The following MMP26 variants were observed in gnomAD, a reference collection of about 807,000 sequenced individuals.
MMP26 encodes the protein matrix metalloproteinase-26.
Under a neutral mutation model 31.0 loss-of-function variants are expected in MMP26, and 33 were observed. The ratio of observed to expected loss-of-function variants is 1.06; its 90% CI spans 0.81 to 1.42. The LOEUF (loss-of-function observed/expected upper bound fraction) is 1.42. MMP26 is among the 40% of genes most tolerant of loss of function. The pLI is 0.00. For missense variants in MMP26, 347 were observed against 316.1 expected, an observed-to-expected ratio of 1.10 and a Z score of -0.74; for synonymous variants, 122 against 114.9, an observed-to-expected ratio of 1.06 and a Z score of -0.40.
intron 1 of MMP26, among the ~76,000 whole-genome samples, chr11:4,738,960 G>A (rs1848277906): frequency 6.6e-6 from 1 of 150,856 alleles, no homozygotes; most frequent in Admixed American, 6.6e-5. Flanking sequence ...TACCTTGCTA[G>A]AGTTTTTTCT....
chr11:4,991,412 T>C lies in MMP26; in HGVS notation c.511T>C (p.Leu171=). ...GCCCTTTGATGGGCCAGGTGGTATC[T>C]TAGGCCATGCCTTTTTACCAAATTC... ...GWPFDGPGGI[L]GHAFLPNSGN... Residue 171 remains leucine, a synonymous_variant, in exon 6 of 8, where the codon TTA becomes CTA. Coordinates refer to ENST00000380390, the MANE Select transcript of MMP26 (RefSeq NM_021801.5). 9 of 1,614,076 alleles carry C rather than the reference T, an allele frequency of 5.6e-6. No homozygotes were observed. Among genetic ancestry groups the C allele is most frequent in the East Asian group, 4.5e-5 (2 of 44,880 alleles).
At chr11:4,743,088 A>G (rs545405112) in intron 1 of MMP26, among the ~76,000 whole-genome samples, 2 of 152,276 alleles carry the variant, frequency 1.3e-5, no homozygotes, top group Non-Finnish European at 2.9e-5. Flanking sequence ...AATTTTTATT[A>G]ATAATTTTAA....
chr11:4,928,611 GT>G (rs1851305163), intron 2 of MMP26, among the ~76,000 whole-genome samples: 1 of 151,910 alleles, frequency 6.6e-6, no homozygotes, highest in Non-Finnish European at 1.5e-5. Flanking sequence ...ACTTGTCTTG[GT>G]TTCCCAACCA....
Position 4,767,056 on chromosome 11 carries a change from C to T in MMP26, c.-216-214C>T, listed in dbSNP as rs1323172227. On this transcript the variant is annotated intron_variant, in intron 1 of 7. Transcript: ENST00000380390. ...ATAAACAAATTCATTTACATAATGG[C>T]ATTGTTTTATCAAAAGGTGTTTTTA... Among the ~76,000 whole-genome samples the T allele has an allele frequency of 3.3e-5, 5 of 151,942 alleles. No individual in the cohort carries two copies. In the East Asian group the frequency reaches 9.6e-4, roughly 29 times the overall value.
intron 1 of MMP26, among the ~76,000 whole-genome samples, chr11:4,748,996 T>C (rs924631684): frequency 6.6e-6 from 1 of 151,896 alleles, no homozygotes; most frequent in African/African-American, 2.4e-5. Flanking sequence ...AAAGAGGAAA[T>C]CAAATTATCT....
intron 1 of MMP26, among the ~76,000 whole-genome samples, chr11:4,746,831 T>TCACA (rs3223670): frequency 0.074 from 10,081 of 137,040 alleles, 369 homozygotes; most frequent in African/African-American, 0.12. Context: ...TAAGTCTCTG[T>TCACA]CACACACACA....
chr11:4,785,201 CT>C (rs1848920439), intron 2 of MMP26, among the ~76,000 whole-genome samples: 4 of 152,152 alleles, frequency 2.6e-5, no homozygotes, highest in Admixed American at 2.6e-4. Context: ...CCAAGAAACC[CT>C]TCAGTTCTGG....
rs138500317 is a variant in MMP26, at chr11:4,884,793, A to C, written c.-144-103275A>C. Among the ~76,000 whole-genome samples, 7 of 152,268 alleles carry C rather than the reference A, an allele frequency of 4.6e-5. No homozygotes were observed. The East Asian group carries it at 9.7e-4, about 21-fold the overall frequency. ...TTTTCTTTCTTAAGTTTGGTGTCAT[A>C]ATTTATTGGCTAAAAAGCCTAATAG... On this transcript the variant is annotated intron_variant, in intron 2 of 7. Transcript: ENST00000380390.
chr11:4,911,742 A>G (rs938601715), intron 2 of MMP26, among the ~76,000 whole-genome samples: 1 of 152,028 alleles, frequency 6.6e-6, no homozygotes, highest in African/African-American at 2.4e-5. Flanking sequence ...CACCCATTCA[A>G]TCGCTCTCAA....
chr11:4,875,121 T>C (rs1399717431), intron 2 of MMP26: 1 of 152,120 alleles, frequency 6.6e-6, no homozygotes, highest in Non-Finnish European at 1.5e-5. Context: ...ATATATTAGT[T>C]GTAAAACTCT....
Position 4,751,472 on chromosome 11 carries a change from G to A in MMP26, c.-216-15798G>A, listed in dbSNP as rs575227863. Among the ~76,000 whole-genome samples the A allele has an allele frequency of 5.9e-5, 9 of 152,226 alleles. No individual in the cohort carries two copies. The East Asian group carries it at 7.7e-4, about 13-fold the overall frequency. On this transcript the variant is annotated intron_variant, in intron 1 of 7. Transcript: ENST00000380390. ...CTAAGTAGAACTTCACAGTGAAGTG[G>A]ATGTTAAAGTTGAAGTGGAGTCAAC...
chr11:4,858,863 C>G (rs1850099034), intron 2 of MMP26, among the ~76,000 whole-genome samples: 1 of 152,096 alleles, frequency 6.6e-6, no homozygotes, highest in South Asian at 2.1e-4. Flanking sequence ...GGTACTGGTA[C>G]CAAAACAGAG....
At chr11:4,732,658 C>G (rs1357166576) in intron 1 of MMP26, among the ~76,000 whole-genome samples, 1 of 151,906 alleles carries the variant, frequency 6.6e-6, no homozygotes, top group East Asian at 1.9e-4. Context: ...CACTAATCTA[C>G]TTTTTGTCTC....
At chr11:4,828,254 T>C (rs113908692) in intron 2 of MMP26, among the ~76,000 whole-genome samples, 1,770 of 152,270 alleles carry the variant, frequency 0.012, 37 homozygotes, top group African/African-American at 0.038. Context: ...TAAAAACTGC[T>C]CTAGGTTTAG....
At chr11:4,749,065 T>C (rs931845119) in intron 1 of MMP26, among the ~76,000 whole-genome samples, 1 of 151,990 alleles carries the variant, frequency 6.6e-6, no homozygotes, top group African/African-American at 2.4e-5. Context: ...ACCAAAAGAC[T>C]CCTAGATTTG....
intron 2 of MMP26, chr11:4,947,423 T>C: frequency 4.8e-6 from 1 of 209,134 alleles, no homozygotes; most frequent in Non-Finnish European, 9.5e-6. Context: ...CGCTGGTCAA[T>C]TAACTGGAAT....
rs144794984 is a variant in MMP26, at chr11:4,753,514, T to C, written c.-216-13756T>C. Among the ~76,000 whole-genome samples, 93 of 152,238 alleles carry C rather than the reference T, an allele frequency of 6.1e-4. 1 individual carries two copies. Among genetic ancestry groups the C allele is most frequent in the African/African-American group, 1.6e-3 (66 of 41,564 alleles). ...AGGGGGTATTTTGGACTAATCCTTG[T>C]TTAGTGGAGTTGCTTGCTCATAATA... is the stretch of plus-strand genomic sequence containing the variant. On this transcript the variant is annotated intron_variant, in intron 1 of 7. Coordinates refer to ENST00000380390, the MANE Select transcript of MMP26 (RefSeq NM_021801.5).
At chr11:4,979,259 C>A (rs117494375) in intron 2 of MMP26, among the ~76,000 whole-genome samples, 2 of 152,080 alleles carry the variant, frequency 1.3e-5, no homozygotes, top group Non-Finnish European at 1.5e-5. Context: ...GAGCCCTTGC[C>A]AAGATTCCAG....
chr11:4,733,779 A>T (rs1301939063), intron 1 of MMP26, among the ~76,000 whole-genome samples: 1 of 152,116 alleles, frequency 6.6e-6, no homozygotes, highest in Non-Finnish European at 1.5e-5. Flanking sequence ...GAATATTCAG[A>T]CTTTCTCCAT....
Sources: gnomAD v4.1 joint callset for allele counts (sites outside exome capture counted in the v4.1 genomes callset) on GRCh38, gnomAD v4.1.1 for gene constraint, MANE v1.5 for transcripts, NCBI Gene and HGNC (gene_info 2026-07-23, HGNC 2026-07-21) for gene names.